The following TEX101 variants were observed in gnomAD, a reference collection of about 807,000 sequenced individuals.
The protein encoded by TEX101 is testis expressed 101.
TEX101 carries 10 observed loss-of-function variants against 18.1 expected under a neutral mutation model. That is an observed-to-expected ratio of 0.55 (90% CI 0.34 to 0.94). The LOEUF (loss-of-function observed/expected upper bound fraction) is 0.94, where lower values mean the gene tolerates loss of function less well. Among genes scored for constraint, TEX101 ranks in the 40% least tolerant of loss-of-function variants. The pLI is 0.02. For synonymous variants in TEX101, 94 were observed against 114.8 expected (o/e 0.82, Z 1.16); for missense variants, 259 against 298.9 (o/e 0.87, Z 0.98).
chr19:43,402,681 C>G (rs551786610), intron 1 of TEX101: 44 of 152,000 alleles, frequency 2.9e-4, no homozygotes, highest in African/African-American at 1.0e-3. Context: ...CCTGGGTTCA[C>G]GCCATTCTCC....
chr19:43,388,718 C>G, the TEX101 span, among the ~76,000 whole-genome samples: 2 of 152,204 alleles, frequency 1.3e-5, no homozygotes, highest in African/African-American at 2.4e-5. Flanking sequence ...ACCTGCTTGG[C>G]TGGATACAAA....
upstream of TEX101, chr19:43,414,822 C>T (rs1207505749): frequency 6.1e-6 from 6 of 984,110 alleles, no homozygotes; most frequent in East Asian, 2.3e-4. Flanking sequence ...TGAACTTATC[C>T]GATGCTTTTG....
At chr19:43,402,526 C>A (rs1160223403) in intron 1 of TEX101, among the ~76,000 whole-genome samples, 1 of 151,734 alleles carries the variant, frequency 6.6e-6, no homozygotes, top group African/African-American at 2.4e-5. Context: ...CAGTGTCATG[C>A]AGCAGCACTG....
intron 2 of TEX101, among the ~76,000 whole-genome samples, chr19:43,403,630 A>G (rs1164312555): frequency 6.6e-6 from 1 of 152,084 alleles, no homozygotes; most frequent in Non-Finnish European, 1.5e-5. Flanking sequence ...TTTAACCCTA[A>G]TTCAGAATAA....
chr19:43,406,445 C>T lies in TEX101; in HGVS notation c.-60C>T, dbSNP rs1970363891. The T allele has an allele frequency of 2.0e-5, 15 of 763,390 alleles. No individual in the cohort carries two copies. In the East Asian group the frequency reaches 3.5e-4, roughly 18 times the overall value. 47.3% of individuals were successfully genotyped at this position (763,390 alleles called of 1,614,324 possible). A position where few individuals can be genotyped will look rare whatever the true frequency, so the allele number is the denominator to read the frequency against. On this transcript the variant is annotated 5_prime_UTR_variant, in exon 3 of 8. Transcript: ENST00000602198. ...GAACCCTCTGAGCCTGATTGAAAGG[C>T]GGTGAAGAGACAGGAGAGGGGGATC...
rs73937417 is a variant in TEX101, at chr19:43,406,683, C to T, written c.15+164C>T. Among the ~76,000 whole-genome samples the T allele has an allele frequency of 7.3e-3, 1,113 of 152,306 alleles. 10 individuals are homozygous for T. Among genetic ancestry groups the T allele is most frequent in the African/African-American group, 0.023 (972 of 41,584 alleles). ...CGCTAGATGGGGAGACTGGGACACA[C>T]GTCTGAACGCAGATGTCCGAAGGGA... On this transcript the variant is annotated intron_variant, in intron 3 of 7. Coordinates refer to the TEX101 transcript ENST00000602198.
At chr19:43,415,152 T>A in intron 1 of TEX101, 114 bp downstream of exon 1, 1 of 775,048 alleles carries the variant, frequency 1.3e-6, no homozygotes, top group Non-Finnish European at 1.6e-6. Flanking sequence ...CAGGAAAAGG[T>A]GGTTGGAACC....
chr19:43,405,177 G>T (rs1229864040), intron 2 of TEX101, among the ~76,000 whole-genome samples: 1 of 152,118 alleles, frequency 6.6e-6, no homozygotes, highest in African/African-American at 2.4e-5. Flanking sequence ...TCAGGAAAAA[G>T]GCAAAGGTTT....
chr19:43,408,227 G>A (rs972793108), intron 3 of TEX101, among the ~76,000 whole-genome samples: 1 of 152,208 alleles, frequency 6.6e-6, no homozygotes, highest in African/African-American at 2.4e-5. Flanking sequence ...CGGGGGTGGA[G>A]AGGCGGTGAG....
intron 3 of TEX101, among the ~76,000 whole-genome samples, chr19:43,407,083 G>A (rs1233803085): frequency 2.0e-5 from 3 of 152,066 alleles, no homozygotes; most frequent in East Asian, 1.9e-4. Context: ...CCGCAGGCCT[G>A]AGCCACCATG....
chr19:43,389,935 G>T, the TEX101 span, among the ~76,000 whole-genome samples: 1 of 152,046 alleles, frequency 6.6e-6, no homozygotes, highest in Non-Finnish European at 1.5e-5. Context: ...CTCCACTGGG[G>T]CCAGCAGCAT....
At chr19:43,397,812 T>A (rs1408509854), upstream of TEX101, among the ~76,000 whole-genome samples, 1 of 114,342 alleles carries the variant, frequency 8.7e-6, no homozygotes, top group East Asian at 2.2e-4. Flanking sequence ...ATTATATAAA[T>A]ATAAATATAT....
intron 4 of TEX101, 148 bp downstream of exon 4, chr19:43,416,703 G>A (rs1970483700): frequency 1.3e-6 from 1 of 793,498 alleles, no homozygotes; most frequent in South Asian, 1.8e-5. Context: ...TTTCTGAATT[G>A]TTCATTGGGA....
chr19:43,406,497 G>T (rs11673673), exon 3 of TEX101: 174,316 of 758,758 alleles, frequency 0.23, 24,193 homozygotes, highest in East Asian at 0.57. Flanking sequence ...TCCATCTTCA[G>T]TTCCCGCATG....
At chr19:43,396,798 G>A (rs1447132136), upstream of TEX101, among the ~76,000 whole-genome samples, 1 of 150,576 alleles carries the variant, frequency 6.6e-6, no homozygotes, top group East Asian at 1.9e-4. Flanking sequence ...CAAATTCTGT[G>A]GGGCAGGAAT....
chr19:43,390,450 CT>C, the TEX101 span, among the ~76,000 whole-genome samples: 2 of 62,872 alleles, frequency 3.2e-5, no homozygotes, highest in East Asian at 5.4e-4. Context: ...CTTTTCTTTT[CT>C]TTTTTTTTCT....
chr19:43,398,664 C>A (rs1215326625), upstream of TEX101, among the ~76,000 whole-genome samples: 4 of 152,002 alleles, frequency 2.6e-5, no homozygotes, highest in African/African-American at 9.7e-5. Flanking sequence ...CCATTTTTTT[C>A]ATGACTGCTA....
At chr19:43,389,278 G>A in the TEX101 span, among the ~76,000 whole-genome samples, 1 of 152,250 alleles carries the variant, frequency 6.6e-6, no homozygotes, top group Non-Finnish European at 1.5e-5. Flanking sequence ...CTTTGCAGGA[G>A]GGACACAGAC....
At chr19:43,405,697 G>A (rs906932272) in intron 2 of TEX101, among the ~76,000 whole-genome samples, 2 of 152,120 alleles carry the variant, frequency 1.3e-5, no homozygotes, top group African/African-American at 4.8e-5. Context: ...GGCCAAGGCA[G>A]GTGGATCACT....
Sources: gnomAD v4.1 joint callset for allele counts (sites outside exome capture counted in the v4.1 genomes callset) on GRCh38, gnomAD v4.1.1 for gene constraint, MANE v1.5 for transcripts, NCBI Gene and HGNC (gene_info 2026-07-23, HGNC 2026-07-21) for gene names.